ATRNL1: variants seen among roughly 807,000 people sequenced by gnomAD.
The protein encoded by ATRNL1 is attractin like 1, also known as attractin-like protein 1.
In ATRNL1, 95 loss-of-function variants were observed where a neutral mutation model predicts 182.7. That is an observed-to-expected ratio of 0.52 (90% CI 0.44 to 0.62). The LOEUF is 0.62. Among genes scored for constraint, ATRNL1 ranks in the 20% least tolerant of loss-of-function variants. ATRNL1 has a pLI of 0.00. For synonymous variants in ATRNL1, 576 were observed against 568.3 expected, an observed-to-expected ratio of 1.01 and a Z score of -0.19; for missense variants, 1,471 against 1,679.5, an observed-to-expected ratio of 0.88 and a Z score of 2.17.
At chr10:115,699,649 ATTTG>A (rs1191434582) in intron 26 of ATRNL1, among the ~76,000 whole-genome samples, 74 of 152,152 alleles carry the variant, frequency 4.9e-4, no homozygotes, top group African/African-American at 1.4e-3. Flanking sequence ...GAGAACATTT[ATTTG>A]TTTGTTTATT....
At chr10:115,102,430 A>ATG (rs1257558005) in intron 1 of ATRNL1, among the ~76,000 whole-genome samples, 3 of 150,026 alleles carry the variant, frequency 2.0e-5, no homozygotes, top group Admixed American at 2.0e-4. Context: ...ATGTATGTAT[A>ATG]TGTGTATATA....
intron 27 of ATRNL1, among the ~76,000 whole-genome samples, chr10:115,783,817 A>G (rs1949329087): frequency 6.6e-6 from 1 of 152,128 alleles, no homozygotes; most frequent in African/African-American, 2.4e-5. Flanking sequence ...GATTGAGACC[A>G]TCCTGGCCAA....
chr10:115,915,227 C>T (rs1481423583), intron 28 of ATRNL1, among the ~76,000 whole-genome samples: 1 of 152,008 alleles, frequency 6.6e-6, no homozygotes, highest in African/African-American at 2.4e-5. Flanking sequence ...GAAAGCCCGT[C>T]TCTACTAAAA....
intron 19 of ATRNL1, among the ~76,000 whole-genome samples, chr10:115,380,429 G>A (rs1273157387): frequency 6.6e-6 from 1 of 151,836 alleles, no homozygotes; most frequent in South Asian, 2.1e-4. Flanking sequence ...TGTATTCACC[G>A]GGTCATGCAA....
At chr10:115,560,396 T>C (rs1402429297) in intron 26 of ATRNL1, among the ~76,000 whole-genome samples, 2 of 152,128 alleles carry the variant, frequency 1.3e-5, no homozygotes, top group Non-Finnish European at 2.9e-5. Flanking sequence ...TACCTTCCAC[T>C]GGGTCCCTGC....
chr10:115,195,267 T>C (rs1164608469), intron 8 of ATRNL1, among the ~76,000 whole-genome samples: 2 of 152,172 alleles, frequency 1.3e-5, no homozygotes, highest in East Asian at 3.8e-4. Flanking sequence ...AGAACTCCTT[T>C]TAACATTTCT....
intron 8 of ATRNL1, among the ~76,000 whole-genome samples, chr10:115,201,944 C>T (rs1462729240): frequency 1.3e-5 from 2 of 152,092 alleles, no homozygotes; most frequent in Non-Finnish European, 2.9e-5. Context: ...AGAGGTCCTT[C>T]ACATCCCTTG....
chr10:115,576,891 A>G (rs879997428), intron 26 of ATRNL1, among the ~76,000 whole-genome samples: 1 of 151,816 alleles, frequency 6.6e-6, no homozygotes, highest in Non-Finnish European at 1.5e-5. Context: ...TCTTTAATTC[A>G]TTTTAAGTTG....
intron 25 of ATRNL1, among the ~76,000 whole-genome samples, chr10:115,546,836 C>T (rs1852684336): frequency 6.6e-6 from 1 of 152,136 alleles, no homozygotes; most frequent in Non-Finnish European, 1.5e-5. Flanking sequence ...TTGAGAAACA[C>T]TGTACTTGAG....
chr10:115,215,962 A>ATACTTACTTTATTCT, intron 9 of ATRNL1, 82 bp downstream of exon 9: 1 of 1,107,670 alleles, frequency 9.0e-7, no homozygotes, highest in African/African-American at 1.6e-5. Context: ...TGACATAGAA[A>ATACTTACTTTATTCT]TACTTACTTT....
intron 27 of ATRNL1, among the ~76,000 whole-genome samples, chr10:115,737,136 A>G (rs188799980): frequency 3.9e-5 from 6 of 152,000 alleles, no homozygotes; most frequent in Admixed American, 6.6e-5. Flanking sequence ...TAAAAGGTAT[A>G]CTTCATTGGG....
intron 24 of ATRNL1, among the ~76,000 whole-genome samples, chr10:115,506,693 A>T (rs1429821388): frequency 6.6e-6 from 1 of 152,090 alleles, no homozygotes; most frequent in Non-Finnish European, 1.5e-5. Context: ...TAAACTTTAG[A>T]TCTCGACCAA....
At chr10:115,614,830 G>C (rs1470349285) in intron 26 of ATRNL1, among the ~76,000 whole-genome samples, 1 of 152,018 alleles carries the variant, frequency 6.6e-6, no homozygotes, top group Non-Finnish European at 1.5e-5. Context: ...TCTGATATAA[G>C]TATGGTACTC....
intron 27 of ATRNL1, among the ~76,000 whole-genome samples, chr10:115,841,774 A>AT (rs1170580612): frequency 7.2e-5 from 11 of 151,746 alleles, no homozygotes; most frequent in African/African-American, 2.2e-4. Context: ...TTTCGCTTCC[A>AT]TTTTTTTCCC....
At chr10:115,720,853 T>C (rs1947399898) in intron 26 of ATRNL1, among the ~76,000 whole-genome samples, 1 of 152,196 alleles carries the variant, frequency 6.6e-6, no homozygotes, top group African/African-American at 2.4e-5. Context: ...TCTAAAGTAG[T>C]TTTGCTGGCT....
intron 26 of ATRNL1, among the ~76,000 whole-genome samples, chr10:115,563,464 G>T (rs527346500): frequency 6.6e-6 from 1 of 152,078 alleles, no homozygotes; most frequent in South Asian, 2.1e-4. Context: ...TTGTTTGCTA[G>T]GTATATACTG....
At chr10:115,716,163 G>A (rs1555056224) in intron 26 of ATRNL1, among the ~76,000 whole-genome samples, 2 of 152,032 alleles carry the variant, frequency 1.3e-5, no homozygotes, top group Admixed American at 1.3e-4. Flanking sequence ...ACACCAGTTA[G>A]TCAATGATTA....
At chr10:115,280,272 A>G (rs1852299604) in intron 13 of ATRNL1, among the ~76,000 whole-genome samples, 1 of 152,182 alleles carries the variant, frequency 6.6e-6, no homozygotes, top group Admixed American at 6.5e-5. Flanking sequence ...AATCTCTAAG[A>G]TCATTTAAGG....
At chr10:115,530,778 CT>C (rs1165812397) in intron 25 of ATRNL1, among the ~76,000 whole-genome samples, 2 of 112,248 alleles carry the variant, frequency 1.8e-5, no homozygotes, top group African/African-American at 6.9e-5. Context: ...TCCCTCCCCC[CT>C]CCCCCCACCC....
Sources: allele counts gnomAD v4.1 joint callset (sites outside exome capture counted in the v4.1 genomes callset), GRCh38; gene constraint gnomAD v4.1.1; transcripts MANE v1.5; gene names NCBI Gene and HGNC (gene_info 2026-07-23, HGNC 2026-07-21).